The following DYRK2 variants were observed in gnomAD, a reference collection of about 807,000 sequenced individuals.
The protein encoded by DYRK2 is dual specificity tyrosine phosphorylation regulated kinase 2, also known as dual specificity tyrosine-phosphorylation-regulated kinase 2.
In DYRK2, 12 loss-of-function variants were observed where a neutral mutation model predicts 41.6. That is an observed-to-expected ratio of 0.29 (90% CI 0.18 to 0.47). The LOEUF is 0.47. DYRK2 is among the 20% of genes least tolerant of loss of function. DYRK2 has a pLI of 1.00. For missense variants in DYRK2, 678 were observed against 798.4 expected (o/e 0.85, Z 1.82); for synonymous variants, 322 against 315.7 (o/e 1.02, Z -0.21).
In DYRK2 at chr12:67,660,589, A is replaced by G. The variant is rs1208807133; in HGVS notation, c.*1876A>G. ...TTCCCTTAGTCAAATTTTTTAGCAT[A>G]TTATACACATTTCTGTGTAATCTGT... is the stretch of plus-strand genomic sequence containing the variant. On this transcript the variant is annotated 3_prime_UTR_variant, in exon 3 of 3. Transcript: ENST00000344096. 6.0e-6 allele frequency: 1 copy of G among 167,034 alleles called. No individual in the cohort carries two copies. The highest frequency in any genetic ancestry group is 1.5e-5 in the Non-Finnish European group (1 of 68,112). The allele number at this position is 167,034 out of a possible 1,614,324, so 10.3% of individuals were successfully genotyped here.
rs558311156 is a variant in DYRK2 at position 67,661,662 on chromosome 12, T to G, written c.*2949T>G. On this transcript the variant is annotated 3_prime_UTR_variant, in exon 3 of 3. Coordinates refer to ENST00000344096, the MANE Select transcript of DYRK2 (RefSeq NM_006482.3). The stretch of plus-strand genomic sequence containing the variant: ...TTAAATATCTAGTTACAGGCCTTAA[T>G]AGAAACCATAAGGCATGACTCATCT... 2.4e-3 allele frequency: 400 copies of G among 167,174 alleles called. 3 individuals are homozygous for G. Among genetic ancestry groups the G allele is most frequent in the Admixed American group, 4.2e-3 (65 of 15,296 alleles). 10.4% of individuals were successfully genotyped at this position (167,174 alleles called of 1,614,324 possible). A position where few individuals can be genotyped will look rare whatever the true frequency, so the allele number is the denominator to read the frequency against.
chr12:67,656,526 A>G (rs1565803871), intron 2 of DYRK2, among the ~76,000 whole-genome samples: 1 of 152,198 alleles, frequency 6.6e-6, no homozygotes. Context: ...TCAAGTCTAA[A>G]AACACAGGGT....
chr12:67,655,441 T>C lies in DYRK2; in HGVS notation c.199-1665T>C, dbSNP rs566303688. 3.3e-5 allele frequency among the ~76,000 whole-genome samples: 5 copies of C among 152,346 alleles called. No homozygotes were observed. In the South Asian group the frequency reaches 8.3e-4, roughly 25 times the overall value. Reference sequence around the variant, plus strand: ...GACAAGCCTGTACCTCTTTTATATATGCCCAAGACTTGCCTGATTCATTTT... The same window carrying C: ...GACAAGCCTGTACCTCTTTTATATACGCCCAAGACTTGCCTGATTCATTTT... On this transcript the variant is annotated intron_variant, in intron 2 of 2. Coordinates refer to ENST00000344096, the MANE Select transcript of DYRK2 (RefSeq NM_006482.3).
In DYRK2 at chr12:67,662,971, T is replaced by G. The variant is rs1872662850; in HGVS notation, c.*4258T>G. On this transcript the variant is annotated 3_prime_UTR_variant, in exon 3 of 3. Transcript: ENST00000344096. ...TTATATATAGCCTCTGCTGTGTTCTTTATTATGCTAGAGCTTCATATCTTC... is the reference window on the plus strand; with the variant it reads ...TTATATATAGCCTCTGCTGTGTTCTGTATTATGCTAGAGCTTCATATCTTC... The G allele has an allele frequency of 6.6e-6, 1 of 152,174 alleles. No homozygotes were observed. The highest frequency in any genetic ancestry group is 1.5e-5 in the Non-Finnish European group (1 of 68,006). The allele number at this position is 152,174 out of a possible 1,614,324, so 9.4% of individuals were successfully genotyped here.
In DYRK2 at chr12:67,648,949, C is replaced by T. The variant is rs994415656; in HGVS notation, c.-185C>T. On this transcript the variant is annotated 5_prime_UTR_variant, in exon 1 of 3. Transcript: ENST00000344096. Reference sequence around the variant, plus strand: ...GAGGAGAGCGGGGGGCTCGCGGCGGCGGGCCCCGGCCGAGGGGATGCAGTG... The same window carrying T: ...GAGGAGAGCGGGGGGCTCGCGGCGGTGGGCCCCGGCCGAGGGGATGCAGTG... 7.7e-5 allele frequency: 31 copies of T among 400,260 alleles called. No homozygotes were observed. The highest frequency in any genetic ancestry group is 1.7e-5 in the Non-Finnish European group (4 of 230,884). The allele number at this position is 400,260 out of a possible 1,614,324, so 24.8% of individuals were successfully genotyped here. A position where few individuals can be genotyped will look rare whatever the true frequency, so the allele number is the denominator to read the frequency against.
rs1872685077 is a variant in DYRK2, at chr12:67,663,928, G to GTTC, written c.*5216_*5217insTCT. 1 of 152,192 alleles carries GTTC rather than the reference G, an allele frequency of 6.6e-6. No individual in the cohort carries two copies. Among genetic ancestry groups the GTTC allele is most frequent in the South Asian group, 2.1e-4 (1 of 4,832 alleles). 9.4% of individuals were successfully genotyped at this position (152,192 alleles called of 1,614,324 possible). On this transcript the variant is annotated 3_prime_UTR_variant, in exon 3 of 3. Transcript: ENST00000344096. Reference sequence around the variant, plus strand: ...TAGAAAATGTCCCTAGTTGACATTAGTGTTGGTCTGTTAGAAGGGGAAATT... The same window carrying GTTC: ...TAGAAAATGTCCCTAGTTGACATTAGTTCTGTTGGTCTGTTAGAAGGGGAAATT...
Position 67,664,964 on chromosome 12 carries a change from T to G in DYRK2, c.*6251T>G, listed in dbSNP as rs1039930627. Reference sequence around the variant, plus strand: ...GTATGAAAATACTATTTTTGACACTTTACTGATACTCAGGGATTAAAAGTT... The same window carrying G: ...GTATGAAAATACTATTTTTGACACTGTACTGATACTCAGGGATTAAAAGTT... On this transcript the variant is annotated 3_prime_UTR_variant, in exon 3 of 3. Transcript: ENST00000344096. 6.6e-6 allele frequency: 1 copy of G among 152,170 alleles called. No individual in the cohort carries two copies. The highest frequency in any genetic ancestry group is 3.2e-3 in the Middle Eastern group (1 of 316). The allele number at this position is 152,170 out of a possible 1,614,324, so 9.4% of individuals were successfully genotyped here. A position where few individuals can be genotyped will look rare whatever the true frequency, so the allele number is the denominator to read the frequency against.
In DYRK2 at chr12:67,649,698, T is replaced by A. The variant is rs570287526; in HGVS notation, c.50-99T>A. On this transcript the variant is annotated intron_variant, in intron 1 of 2. Transcript: ENST00000344096. ...CCCGGTCTCTTCCTCCGTCTTTCTT[T>A]GGAAGAGGGTTGTCGCTGCCCAGCG... 1.2e-5 allele frequency: 15 copies of A among 1,216,716 alleles called. No individual in the cohort carries two copies. The East Asian group carries it at 3.7e-4, about 30-fold the overall frequency. The allele number at this position is 1,216,716 out of a possible 1,614,324, so 75.4% of individuals were successfully genotyped here.
At chr12:67,649,695 C>T (rs1872250295) in intron 1 of DYRK2, 102 bp from the exon 2 acceptor site, 1 of 1,216,816 alleles carries the variant, frequency 8.2e-7, no homozygotes, top group East Asian at 3.1e-5. Flanking sequence ...CTCCGTCTTT[C>T]TTTGGAAGAG....
rs1005176120 is a variant in DYRK2, at chr12:67,660,471, G to A, written c.*1758G>A. The A allele has an allele frequency of 1.2e-5, 2 of 166,810 alleles. No homozygotes were observed. The highest frequency in any genetic ancestry group is 1.5e-5 in the Non-Finnish European group (1 of 68,024). The allele number at this position is 166,810 out of a possible 1,614,324, so 10.3% of individuals were successfully genotyped here. A position where few individuals can be genotyped will look rare whatever the true frequency, so the allele number is the denominator to read the frequency against. Reference sequence around the variant, plus strand: ...TATTTGCCAAAAAACCAGTAATAAGGTTACCTTATTAAAATAGTGATATTT... The same window carrying A: ...TATTTGCCAAAAAACCAGTAATAAGATTACCTTATTAAAATAGTGATATTT... On this transcript the variant is annotated 3_prime_UTR_variant, in exon 3 of 3. Transcript: ENST00000344096.
rs2120842076 is a variant in DYRK2, at chr12:67,658,684, A to G, written c.1777A>G (p.Arg593Gly). ...AGATGCCAATGGGAATATTCAGCAG[A>G]GGACAGTGTTGCCAAAACTTGTTAG... ...MTDANGNIQQ[R>G]TVLPKLVS Residue 593 changes from arginine to glycine, a missense_variant, in exon 3 of 3, where the codon AGG (arginine) becomes GGG (glycine). Physicochemically the swap from Arg to Gly is moderately radical, Grantham distance 125. Transcript: ENST00000344096. The surrounding 1 kb of genome is among the most constrained non-coding windows in gnomAD (Gnocchi z 4.3). 1.9e-6 allele frequency: 3 copies of G among 1,610,698 alleles called. No individual in the cohort carries two copies. Among genetic ancestry groups the G allele is most frequent in the Non-Finnish European group, 8.5e-7 (1 of 1,178,538 alleles).
In DYRK2 at chr12:67,657,768, G is replaced by C; in HGVS notation, c.861G>C (p.Met287Ile). ...DKDNTMNVIH[M>I]LENFTFRNHI... Reference sequence around the variant, plus strand: ...ATAACACAATGAATGTCATCCATATGCTGGAGAATTTCACCTTCCGCAACC... The same window carrying C: ...ATAACACAATGAATGTCATCCATATCCTGGAGAATTTCACCTTCCGCAACC... Residue 287 changes from methionine to isoleucine, a missense_variant, in exon 3 of 3, where the codon ATG (methionine) becomes ATC (isoleucine). By Grantham distance (10) the Met-to-Ile change is conservative. Around this residue, in one of 2 missense-constraint regions of DYRK2, gnomAD observed 393 missense variants for 519.1 expected, o/e 0.76. Transcript: ENST00000344096. The surrounding 1 kb of genome is among the most constrained non-coding windows in gnomAD (Gnocchi z 4.8). 3 of 1,614,220 alleles carry C rather than the reference G, an allele frequency of 1.9e-6. No individual in the cohort carries two copies. The highest frequency in any genetic ancestry group is 2.5e-6 in the Non-Finnish European group (3 of 1,180,044).
In DYRK2 at chr12:67,662,050, A is replaced by C. The variant is rs989157265; in HGVS notation, c.*3337A>C. Reference sequence around the variant, plus strand: ...AAATGACTCCATCAGAATGTTAGAAAACACTTTAGGCATCAGTAGCATTGG... The same window carrying C: ...AAATGACTCCATCAGAATGTTAGAACACACTTTAGGCATCAGTAGCATTGG... On this transcript the variant is annotated 3_prime_UTR_variant, in exon 3 of 3. Coordinates refer to ENST00000344096, the MANE Select transcript of DYRK2 (RefSeq NM_006482.3). The C allele has an allele frequency of 5.4e-5, 9 of 166,408 alleles. No homozygotes were observed. The highest frequency in any genetic ancestry group is 1.3e-4 in the Non-Finnish European group (9 of 68,076). The allele number at this position is 166,408 out of a possible 1,614,324, so 10.3% of individuals were successfully genotyped here.
At chr12:67,651,830 C>T (rs956688455) in intron 2 of DYRK2, among the ~76,000 whole-genome samples, 1 of 152,120 alleles carries the variant, frequency 6.6e-6, no homozygotes, top group African/African-American at 2.4e-5. Context: ...TCAAGATTCC[C>T]CAGCCAGTTC....
At chr12:67,649,308 C>G (rs1036097458) in intron 1 of DYRK2, 126 bp downstream of exon 1, 4 of 737,264 alleles carry the variant, frequency 5.4e-6, no homozygotes, top group Admixed American at 9.8e-5. Flanking sequence ...GGGGGAGCCC[C>G]CGGGCGGACG....
At position 67,658,994 on chromosome 12, in the gene DYRK2, G is replaced by A. The variant is rs1347133658; in HGVS notation, c.*281G>A. The A allele has an allele frequency of 3.6e-6, 1 of 281,164 alleles. No individual in the cohort carries two copies. The highest frequency in any genetic ancestry group is 2.2e-5 in the African/African-American group (1 of 44,806). The allele number at this position is 281,164 out of a possible 1,614,324, so 17.4% of individuals were successfully genotyped here. On this transcript the variant is annotated 3_prime_UTR_variant, in exon 3 of 3. Transcript: ENST00000344096. The surrounding 1 kb of genome is among the most constrained non-coding windows in gnomAD (Gnocchi z 4.3). ...GGCAGAATAATAACATCAGTGGCAG[G>A]CCACTGATTACTTCATGACTGCCAC...
In DYRK2 at chr12:67,663,627, A is replaced by T. The variant is rs1356458132; in HGVS notation, c.*4914A>T. 1.3e-5 allele frequency: 2 copies of T among 152,178 alleles called. No homozygotes were observed. The highest frequency in any genetic ancestry group is 2.9e-5 in the Non-Finnish European group (2 of 68,016). 9.4% of individuals were successfully genotyped at this position (152,178 alleles called of 1,614,324 possible). A position where few individuals can be genotyped will look rare whatever the true frequency, so the allele number is the denominator to read the frequency against. ...ACCCCAAAATCCAATATATTTAGAA[A>T]TGTAAGTGTTAAGAGATGTGCATTA... On this transcript the variant is annotated 3_prime_UTR_variant, in exon 3 of 3. Transcript: ENST00000344096.
rs893287450 is a variant in DYRK2 at position 67,664,044 on chromosome 12, C to G, written c.*5331C>G. ...CTTTTTTTTTCTTAAGTTTGAATTA[C>G]ACTTGATTTCCTTTGGGTTATTAGG... On this transcript the variant is annotated 3_prime_UTR_variant, in exon 3 of 3. Transcript: ENST00000344096. 6.6e-6 allele frequency: 1 copy of G among 152,032 alleles called. No individual in the cohort carries two copies. The highest frequency in any genetic ancestry group is 1.9e-4 in the East Asian group (1 of 5,200). The allele number at this position is 152,032 out of a possible 1,614,324, so 9.4% of individuals were successfully genotyped here.
chr12:67,651,342 A>G (rs1289347900), intron 2 of DYRK2: 1 of 291,878 alleles, frequency 3.4e-6, no homozygotes, highest in Non-Finnish European at 6.7e-6. Flanking sequence ...CTATGTGTTG[A>G]TGTAATCACA....
Sources: allele counts gnomAD v4.1 joint callset (sites outside exome capture counted in the v4.1 genomes callset), GRCh38; gene constraint gnomAD v4.1.1; regional missense constraint gnomAD v4.1.1; non-coding constraint Gnocchi (gnomAD v3.1); transcripts MANE v1.5; gene names NCBI Gene and HGNC (gene_info 2026-07-23, HGNC 2026-07-21).